Variants in AFF2 observed in about 807,000 individuals in gnomAD.
AFF2 encodes AF4/FMR2 family member 2.
In AFF2, 14 loss-of-function variants were observed where a neutral mutation model predicts 76.9. The observed-to-expected ratio is 0.18, with a 90% CI of 0.12 to 0.28. The LOEUF (loss-of-function observed/expected upper bound fraction) is 0.28. Among genes scored for constraint, AFF2 ranks in the 10% least tolerant of loss-of-function variants. The pLI, the probability that AFF2 is intolerant of heterozygous loss-of-function variation, is 1.00. For missense variants in AFF2, 868 were observed against 1,001.1 expected, an observed-to-expected ratio of 0.87 and a Z score of 1.79; for synonymous variants, 398 against 366.7, an observed-to-expected ratio of 1.09 and a Z score of -0.98.
intron 9 of AFF2, among the ~76,000 whole-genome samples, chrX:148,931,878 T>TA (rs1478699704): frequency 8.9e-6 from 1 of 112,106 alleles, no homozygotes; most frequent in Non-Finnish European, 1.9e-5. Context: ...ATTTGCTACT[T>TA]ACATGTAATT....
chrX:148,681,277 TG>T (rs1435212030), intron 3 of AFF2, among the ~76,000 whole-genome samples: 5 of 111,496 alleles, frequency 4.5e-5, no homozygotes, highest in African/African-American at 1.6e-4. Flanking sequence ...CACAATACCT[TG>T]GGGCTGCTTA....
rs368908024 is a variant in AFF2, at chrX:148,730,633, G to A, written c.1041+67865G>A. Reference sequence around the variant, plus strand: ...AGATGCACATGCATTGACATGATCCGAACTATGTTTTTCAGAACATCTGGG... The same window carrying A: ...AGATGCACATGCATTGACATGATCCAAACTATGTTTTTCAGAACATCTGGG... On this transcript the variant is annotated intron_variant, in intron 3 of 20. Transcript: ENST00000370460. Among the ~76,000 whole-genome samples, 10 of 112,681 alleles carry A rather than the reference G, an allele frequency of 8.9e-5. No homozygotes were observed. In the South Asian group the frequency reaches 2.6e-3, roughly 29 times the overall value.
intron 1 of AFF2, among the ~76,000 whole-genome samples, chrX:148,608,852 G>C (rs1221129635): frequency 9.0e-6 from 1 of 111,639 alleles, no homozygotes; most frequent in South Asian, 3.7e-4. Context: ...TTAACAACAC[G>C]AATGTTTAGT....
chrX:148,687,473 T>C (rs1034859524), intron 3 of AFF2, among the ~76,000 whole-genome samples: 1 of 112,044 alleles, frequency 8.9e-6, no homozygotes, highest in Non-Finnish European at 1.9e-5. Flanking sequence ...ATACCTTTCA[T>C]ACTAGAAAAA....
At chrX:148,932,638 T>C (rs1437653536) in intron 9 of AFF2, among the ~76,000 whole-genome samples, 1 of 111,986 alleles carries the variant, frequency 8.9e-6, no homozygotes, top group Non-Finnish European at 1.9e-5. Context: ...CTTCAAAGAA[T>C]GACTGTGAAG....
intron 16 of AFF2, 107 bp downstream of exon 16, chrX:148,973,714 A>G: frequency 1.1e-6 from 1 of 870,959 alleles, no homozygotes; most frequent in African/African-American, 2.0e-5. Flanking sequence ...TGTCCAAGCC[A>G]TCCTCTTAGA....
At chrX:148,564,715 C>T (rs782379439) in intron 1 of AFF2, among the ~76,000 whole-genome samples, 32 of 111,608 alleles carry the variant, frequency 2.9e-4, no homozygotes, top group African/African-American at 1.0e-3. Context: ...GATGCAGTCT[C>T]CCCAAAGCAG....
At chrX:148,648,228 G>C (rs1257716339) in intron 1 of AFF2, among the ~76,000 whole-genome samples, 1 of 111,147 alleles carries the variant, frequency 9.0e-6, no homozygotes, top group Admixed American at 9.6e-5. Context: ...TGTTTGTGGT[G>C]GCTAGGGAAG....
chrX:148,568,869 T>G (rs1342541856), intron 1 of AFF2, among the ~76,000 whole-genome samples: 2 of 111,193 alleles, frequency 1.8e-5, no homozygotes, highest in African/African-American at 6.5e-5. Context: ...ACACAAGACA[T>G]AAGGGGAGTG....
chrX:148,723,929 T>A (rs1432322437), intron 3 of AFF2, among the ~76,000 whole-genome samples: 3 of 105,268 alleles, frequency 2.8e-5, no homozygotes, highest in Non-Finnish European at 3.9e-5. Flanking sequence ...CTTTTTTTTT[T>A]TTTTTGGTGA....
intron 3 of AFF2, among the ~76,000 whole-genome samples, chrX:148,746,467 C>A (rs1182175800): frequency 4.5e-5 from 5 of 112,307 alleles, no homozygotes; most frequent in Non-Finnish European, 9.4e-5. Context: ...CCTCCTCTTA[C>A]TTCTATTGTA....
chrX:148,906,503 C>T lies in AFF2; in HGVS notation c.1397+2245C>T, dbSNP rs1317270784. ...CAGAGCTTGTAACTCAGCTCACACC[C>T]GACCAATCAGGTAGTAAAGAGAGCT... On this transcript the variant is annotated intron_variant, in intron 9 of 20. Transcript: ENST00000370460. Among the ~76,000 whole-genome samples, 8 of 111,838 alleles carry T rather than the reference C, an allele frequency of 7.2e-5. 1 individual carries two copies. The highest frequency in any genetic ancestry group is 1.3e-4 in the Non-Finnish European group (7 of 53,157).
chrX:148,951,447 C>T (rs1302510203), intron 9 of AFF2, among the ~76,000 whole-genome samples: 1 of 111,338 alleles, frequency 9.0e-6, no homozygotes, highest in Non-Finnish European at 1.9e-5. Flanking sequence ...TGACCAGCTT[C>T]GTATTAAAAG....
At chrX:148,525,163 G>A (rs1416376604) in intron 1 of AFF2, among the ~76,000 whole-genome samples, 2 of 111,843 alleles carry the variant, frequency 1.8e-5, no homozygotes, top group African/African-American at 6.5e-5. Context: ...GTACGTGTGT[G>A]TGTGTGCATG....
chrX:148,682,025 T>C (rs782774554), intron 3 of AFF2, among the ~76,000 whole-genome samples: 1 of 112,025 alleles, frequency 8.9e-6, no homozygotes, highest in Non-Finnish European at 1.9e-5. Flanking sequence ...TACAAACTTA[T>C]AATGTAGCTT....
At chrX:148,656,687 A>G (rs2124462581) in intron 2 of AFF2, among the ~76,000 whole-genome samples, 1 of 106,134 alleles carries the variant, frequency 9.4e-6, no homozygotes, top group Non-Finnish European at 1.9e-5. Flanking sequence ...TTTTTAGTAG[A>G]GACGGGGTTT....
rs782276724 is a variant in AFF2, at chrX:148,956,473, C to T, written c.2428C>T (p.Leu810Phe). 6.6e-6 allele frequency: 8 copies of T among 1,210,287 alleles called. No homozygotes were observed. The South Asian group carries it at 1.4e-4, about 21-fold the overall frequency. Residue 810 changes from leucine to phenylalanine, a missense_variant, in exon 11 of 21, where the codon CTC becomes TTC. This residue lies in a region of AFF2 where 532 missense variants were observed against 564.2 expected (regional missense o/e 0.94). Coordinates refer to ENST00000370460, the MANE Select transcript of AFF2 (RefSeq NM_002025.4). ...CTGGGTGAAGATTGACCTTGACTTA[C>T]TCTCTAGAGTACCTGGCCACAGCTC... ...NLWVKIDLDL[L>F]SRVPGHSSLH...
At chrX:148,674,619 T>G (rs1440850266) in intron 3 of AFF2, among the ~76,000 whole-genome samples, 2 of 112,029 alleles carry the variant, frequency 1.8e-5, no homozygotes, top group African/African-American at 6.5e-5. Context: ...TCTTAGTGAC[T>G]TATAGGGTGA....
chrX:148,519,039 C>T (rs2052567960), intron 1 of AFF2, among the ~76,000 whole-genome samples: 1 of 111,359 alleles, frequency 9.0e-6, no homozygotes. Flanking sequence ...CCTTATTTTT[C>T]TTTTTGTCTC....
Sources: gnomAD v4.1 joint callset for allele counts (sites outside exome capture counted in the v4.1 genomes callset) on GRCh38, gnomAD v4.1.1 for gene constraint, gnomAD v4.1.1 regional missense constraint, MANE v1.5 for transcripts, NCBI Gene and HGNC (gene_info 2026-07-23, HGNC 2026-07-21) for gene names.